NPFFR2: variants seen among roughly 807,000 people sequenced by gnomAD.
NPFFR2 encodes the protein G-protein coupled receptor 74.
In NPFFR2, 15 loss-of-function variants were observed where a neutral mutation model predicts 13.1. The ratio of observed to expected loss-of-function variants is 1.15; its 90% CI spans 0.77 to 1.76. The LOEUF (loss-of-function observed/expected upper bound fraction) is 1.76. Ranked by LOEUF, NPFFR2 falls within the 40% of genes most tolerant of loss-of-function variation. The pLI, the probability that NPFFR2 is intolerant of heterozygous loss-of-function variation, is 0.00. For synonymous variants in NPFFR2, 190 were observed against 175.7 expected, an observed-to-expected ratio of 1.08 and a Z score of -0.65; for missense variants, 572 against 503.5, an observed-to-expected ratio of 1.14 and a Z score of -1.30.
At chr4:72,043,086 G>C (rs1223924496) in intron 1 of NPFFR2, among the ~76,000 whole-genome samples, 1 of 152,156 alleles carries the variant, frequency 6.6e-6, no homozygotes, top group East Asian at 1.9e-4. Flanking sequence ...GTGGGTAAAA[G>C]GGGTCAATGT....
chr4:72,061,977 G>A (rs1490101283), intron 1 of NPFFR2, among the ~76,000 whole-genome samples: 1 of 151,602 alleles, frequency 6.6e-6, no homozygotes, highest in African/African-American at 2.4e-5. Context: ...CAGAAAGAAA[G>A]AAATTATTAC....
chr4:72,116,428 G>A (rs1275436590), intron 1 of NPFFR2, among the ~76,000 whole-genome samples: 1 of 151,632 alleles, frequency 6.6e-6, no homozygotes, highest in African/African-American at 2.4e-5. Context: ...GGGAAGGGAA[G>A]GAAGGGGATA....
chr4:72,137,913 T>C (rs759882515), intron 2 of NPFFR2, 127 bp from the exon 3 acceptor site: 97 of 672,360 alleles, frequency 1.4e-4, no homozygotes, highest in African/African-American at 2.5e-4. Flanking sequence ...CTGAGAAACA[T>C]TGATTTTTCT....
At chr4:72,043,829 G>A (rs1719301757) in intron 1 of NPFFR2, among the ~76,000 whole-genome samples, 1 of 152,124 alleles carries the variant, frequency 6.6e-6, no homozygotes, top group Admixed American at 6.5e-5. Context: ...CAAGACTTTA[G>A]GGGACTGTTG....
At chr4:72,097,888 G>T (rs1258056881) in intron 1 of NPFFR2, among the ~76,000 whole-genome samples, 1 of 152,112 alleles carries the variant, frequency 6.6e-6, no homozygotes, top group Admixed American at 6.6e-5. Context: ...TTCAGATTAG[G>T]CTCAAATAAC....
At chr4:72,122,063 C>T (rs557884916) in intron 1 of NPFFR2, among the ~76,000 whole-genome samples, 3 of 150,738 alleles carry the variant, frequency 2.0e-5, no homozygotes, top group Non-Finnish European at 4.4e-5. Flanking sequence ...GAATATTTAC[C>T]AGGCAAATGA....
chr4:72,039,525 C>A, intron 1 of NPFFR2: 1 of 360,208 alleles, frequency 2.8e-6, no homozygotes, highest in South Asian at 1.1e-4. Context: ...AAAATATATG[C>A]ATCTTGTTTT....
intron 3 of NPFFR2, 131 bp from the exon 4 acceptor site, chr4:72,146,847 C>G: frequency 1.5e-6 from 1 of 661,026 alleles, no homozygotes; most frequent in East Asian, 2.5e-5. Context: ...CTTTCTACTA[C>G]AAATGGTAAC....
rs183952598 is a variant in NPFFR2, at chr4:72,090,447, A to C, written c.-7-38138A>C. On this transcript the variant is annotated intron_variant, in intron 1 of 3. Coordinates refer to ENST00000308744, the MANE Select transcript of NPFFR2 (RefSeq NM_004885.3). The stretch of plus-strand genomic sequence containing the variant: ...CATTTTTACAGTACTGATTCTACCC[A>C]TCCATGAGCGTGAGATGTGTTTTTA... Among the ~76,000 whole-genome samples the C allele has an allele frequency of 2.2e-3, 328 of 152,268 alleles. 4 individuals carry two copies. The highest frequency in any genetic ancestry group is 7.7e-3 in the African/African-American group (322 of 41,562).
chr4:72,074,317 C>A (rs1454973277), intron 1 of NPFFR2, among the ~76,000 whole-genome samples: 1 of 151,996 alleles, frequency 6.6e-6, no homozygotes, highest in Non-Finnish European at 1.5e-5. Context: ...CCTCATAAAT[C>A]TCATCACATA....
intron 1 of NPFFR2, among the ~76,000 whole-genome samples, chr4:72,105,269 G>A (rs1721385999): frequency 6.6e-6 from 1 of 151,920 alleles, no homozygotes; most frequent in African/African-American, 2.4e-5. Flanking sequence ...TAAAATATAT[G>A]TGAATATTTA....
chr4:72,072,389 A>C (rs1483387671), intron 1 of NPFFR2, among the ~76,000 whole-genome samples: 1 of 152,090 alleles, frequency 6.6e-6, no homozygotes. Context: ...AAAAGAAAGA[A>C]AAAAAGAGAA....
intron 1 of NPFFR2, among the ~76,000 whole-genome samples, chr4:72,070,769 T>C (rs1720229052): frequency 6.6e-6 from 1 of 152,102 alleles, no homozygotes; most frequent in Non-Finnish European, 1.5e-5. Flanking sequence ...AATGTAAAGA[T>C]GTGTACAAGA....
At chr4:72,064,606 G>C (rs1376501765) in intron 1 of NPFFR2, among the ~76,000 whole-genome samples, 1 of 152,182 alleles carries the variant, frequency 6.6e-6, no homozygotes, top group African/African-American at 2.4e-5. Flanking sequence ...CAAGGACATA[G>C]ATAGTAGGAG....
At chr4:72,127,228 C>T (rs537144641) in intron 1 of NPFFR2, among the ~76,000 whole-genome samples, 108 of 113,852 alleles carry the variant, frequency 9.5e-4, no homozygotes, top group East Asian at 3.4e-3. Flanking sequence ...GGCGTGAACC[C>T]GGGAGGTGGA....
chr4:72,082,161 C>A (rs1194355882), intron 1 of NPFFR2, among the ~76,000 whole-genome samples: 1 of 152,152 alleles, frequency 6.6e-6, no homozygotes, highest in Non-Finnish European at 1.5e-5. Context: ...GTATTCCCAT[C>A]ACAACTTCAA....
intron 1 of NPFFR2, among the ~76,000 whole-genome samples, chr4:72,037,306 A>G (rs1369522737): frequency 3.3e-5 from 5 of 151,454 alleles, no homozygotes; most frequent in Admixed American, 1.3e-4. Flanking sequence ...GTTAAGGTTA[A>G]GGTGGGAGGA....
intron 2 of NPFFR2, among the ~76,000 whole-genome samples, chr4:72,132,454 A>G (rs569711902): frequency 2.0e-5 from 3 of 152,342 alleles, no homozygotes; most frequent in Admixed American, 2.0e-4. Context: ...TGCTGCAGTG[A>G]ACATACACAT....
chr4:72,113,563 A>G (rs1721626164), intron 1 of NPFFR2, among the ~76,000 whole-genome samples: 1 of 152,140 alleles, frequency 6.6e-6, no homozygotes, highest in South Asian at 2.1e-4. Context: ...TTTATTGCTA[A>G]AAATGACCCA....
Sources: allele counts gnomAD v4.1 joint callset (sites outside exome capture counted in the v4.1 genomes callset), GRCh38; gene constraint gnomAD v4.1.1; transcripts MANE v1.5; gene names NCBI Gene and HGNC (gene_info 2026-07-23, HGNC 2026-07-21).